PLOD2: variants seen among roughly 807,000 people sequenced by gnomAD.
The protein encoded by PLOD2 is lysine hydroxylase 2.
Under a neutral mutation model 101.0 loss-of-function variants are expected in PLOD2, and 65 were observed. The ratio of observed to expected loss-of-function variants is 0.64; its 90% CI spans 0.53 to 0.79. The LOEUF (loss-of-function observed/expected upper bound fraction) is 0.79, where lower values mean the gene tolerates loss of function less well. Among genes scored for constraint, PLOD2 ranks in the 30% least tolerant of loss-of-function variants. The pLI is 0.00. For synonymous variants in PLOD2, 314 were observed against 302.9 expected, an observed-to-expected ratio of 1.04 and a Z score of -0.38; for missense variants, 909 against 914.6, an observed-to-expected ratio of 0.99 and a Z score of 0.08.
intron 7 of PLOD2, among the ~76,000 whole-genome samples, chr3:146,098,962 C>G (rs942161972): frequency 6.6e-6 from 1 of 152,090 alleles, no homozygotes; most frequent in Non-Finnish European, 1.5e-5. Context: ...ATTTATTTAA[C>G]TTTAACCTAA....
intron 2 of PLOD2, 60 bp downstream of exon 2, chr3:146,124,078 T>G: frequency 1.1e-6 from 1 of 884,528 alleles, no homozygotes; most frequent in Non-Finnish European, 1.9e-6. Context: ...ACTGCTGTTA[T>G]GAAAAACATA....
intron 15 of PLOD2, among the ~76,000 whole-genome samples, chr3:146,074,702 A>G: frequency 8.7e-6 from 1 of 115,504 alleles, no homozygotes; most frequent in East Asian, 2.7e-4. Flanking sequence ...TTTTTCTTCA[A>G]GTTAAAGTAA....
At chr3:146,147,087 A>T (rs1017247396) in intron 1 of PLOD2, among the ~76,000 whole-genome samples, 49 of 152,152 alleles carry the variant, frequency 3.2e-4, no homozygotes, top group African/African-American at 1.1e-3. Context: ...TCCAACTAAG[A>T]ATGTAAAGTT....
chr3:146,085,091 CA>C, intron 11 of PLOD2, 77 bp downstream of exon 11: 1 of 714,472 alleles, frequency 1.4e-6, no homozygotes, highest in South Asian at 1.6e-5. Flanking sequence ...ACTAAATACA[CA>C]ATTACTACAG....
intron 1 of PLOD2, among the ~76,000 whole-genome samples, chr3:146,140,548 G>A (rs910300292): frequency 6.6e-6 from 1 of 152,030 alleles, no homozygotes; most frequent in African/African-American, 2.4e-5. Context: ...ACAGCTCAGA[G>A]AGTCTGAATT....
intron 19 of PLOD2, 62 bp from the exon 20 acceptor site, chr3:146,070,934 T>C (rs1222345545): frequency 6.5e-7 from 1 of 1,528,134 alleles, no homozygotes; most frequent in South Asian, 1.1e-5. Context: ...AAATTCAAAT[T>C]ATGTCATTTG....
At chr3:146,148,907 A>G (rs2031924993) in intron 1 of PLOD2, among the ~76,000 whole-genome samples, 2 of 152,224 alleles carry the variant, frequency 1.3e-5, no homozygotes, top group Non-Finnish European at 2.9e-5. Flanking sequence ...ATAGCATGCA[A>G]AGAATGGCTG....
chr3:146,077,738 G>T (rs1936395372), intron 14 of PLOD2, 124 bp downstream of exon 14: 1 of 614,926 alleles, frequency 1.6e-6, no homozygotes. Context: ...ACAGATGACT[G>T]ATGAAAATCA....
intron 1 of PLOD2, among the ~76,000 whole-genome samples, chr3:146,125,144 C>G (rs1432123205): frequency 6.6e-6 from 1 of 152,078 alleles, no homozygotes; most frequent in African/African-American, 2.4e-5. Flanking sequence ...AAACTAACAT[C>G]TTTTCAATAT....
At chr3:146,111,984 C>T (rs1340221656) in intron 3 of PLOD2, among the ~76,000 whole-genome samples, 1 of 152,012 alleles carries the variant, frequency 6.6e-6, no homozygotes, top group African/African-American at 2.4e-5. Flanking sequence ...TGTGCATTGC[C>T]TGGAGATGGG....
chr3:146,080,361 T>C (rs532091477), intron 12 of PLOD2, among the ~76,000 whole-genome samples: 1 of 152,214 alleles, frequency 6.6e-6, no homozygotes, highest in African/African-American at 2.4e-5. Flanking sequence ...GTTTACACTT[T>C]CTCTATCTCA....
At chr3:146,078,502 T>C (rs1936420484) in intron 13 of PLOD2, among the ~76,000 whole-genome samples, 1 of 151,924 alleles carries the variant, frequency 6.6e-6, no homozygotes, top group Non-Finnish European at 1.5e-5. Context: ...GCCATGTTTA[T>C]GCATTTTGAA....
chr3:146,156,147 C>T (rs986516065), intron 1 of PLOD2, among the ~76,000 whole-genome samples: 7 of 152,182 alleles, frequency 4.6e-5, no homozygotes, highest in Non-Finnish European at 7.3e-5. Context: ...TATGTTTGAA[C>T]GCAAAACACC....
At chr3:146,114,381 G>A (rs559960964) in intron 3 of PLOD2, among the ~76,000 whole-genome samples, 43 of 152,136 alleles carry the variant, frequency 2.8e-4, no homozygotes, top group African/African-American at 9.6e-4. Flanking sequence ...TTATAGCAGC[G>A]TGAAAATGGA....
intron 1 of PLOD2, among the ~76,000 whole-genome samples, chr3:146,159,281 G>A (rs527443893): frequency 6.6e-6 from 1 of 152,238 alleles, no homozygotes; most frequent in Admixed American, 6.5e-5. Context: ...CTCTTTCTCT[G>A]ATATCACAAT....
intron 3 of PLOD2, among the ~76,000 whole-genome samples, chr3:146,111,995 G>A (rs1576603230): frequency 6.6e-6 from 1 of 152,088 alleles, no homozygotes; most frequent in East Asian, 1.9e-4. Flanking sequence ...TGGAGATGGG[G>A]AAAAATAGCT....
intron 12 of PLOD2, 37 bp downstream of exon 12, chr3:146,081,701 G>A (rs766337587): frequency 2.6e-6 from 4 of 1,519,396 alleles, no homozygotes; most frequent in Admixed American, 1.7e-5. Context: ...TTTAGATTAT[G>A]GTATTTCACA....
intron 1 of PLOD2, among the ~76,000 whole-genome samples, chr3:146,160,434 T>C (rs2032517127): frequency 6.6e-6 from 1 of 152,144 alleles, no homozygotes; most frequent in South Asian, 2.1e-4. Context: ...TACCGGCTGC[T>C]TCCTGGGGTG....
At position 146,076,770 on chromosome 3, in the gene PLOD2, T is replaced by C; in HGVS notation, c.1677+12A>G. ...TATAGAAAAATAATAAAGTTGAGTA[T>C]GAAATACATACCACAGGATTTTCAA... is the stretch of plus-strand genomic sequence containing the variant. On this transcript the variant is annotated intron_variant, in intron 15 of 19. Transcript: ENST00000282903. 1 of 1,201,348 alleles carries C rather than the reference T, an allele frequency of 8.3e-7. No homozygotes were observed. The highest frequency in any genetic ancestry group is 1.2e-6 in the Non-Finnish European group (1 of 807,066). 74.4% of individuals were successfully genotyped at this position (1,201,348 alleles called of 1,614,324 possible). A position where few individuals can be genotyped will look rare whatever the true frequency, so the allele number is the denominator to read the frequency against.
Sources: allele counts gnomAD v4.1 joint callset (sites outside exome capture counted in the v4.1 genomes callset), GRCh38; gene constraint gnomAD v4.1.1; transcripts MANE v1.5; gene names NCBI Gene and HGNC (gene_info 2026-07-23, HGNC 2026-07-21).